Variants in ZFP36L1 observed in about 807,000 individuals in gnomAD.
ZFP36L1 encodes the protein mRNA decay activator protein ZFP36L1.
ZFP36L1 carries 4 observed loss-of-function variants against 16.7 expected under a neutral mutation model. That is an observed-to-expected ratio of 0.24 (90% CI 0.12 to 0.55). The LOEUF (loss-of-function observed/expected upper bound fraction) is 0.55, where lower values mean the gene tolerates loss of function less well. Among genes scored for constraint, ZFP36L1 ranks in the 20% least tolerant of loss-of-function variants. ZFP36L1 has a pLI of 0.94. For missense variants in ZFP36L1, 311 were observed against 449.2 expected (o/e 0.69, Z 2.78); for synonymous variants, 220 against 190.8 (o/e 1.15, Z -1.26).
At chr14:68,791,347 C>G in intron 1 of ZFP36L1, 1 of 486,040 alleles carries the variant, frequency 2.1e-6, no homozygotes, top group Non-Finnish European at 3.6e-6. Flanking sequence ...CCCCCCTACC[C>G]ACCTCCTAGT....
chr14:68,793,422 G>A (rs962987152), upstream of ZFP36L1: 4 of 997,876 alleles, frequency 4.0e-6, no homozygotes, highest in Non-Finnish European at 3.6e-6. Context: ...AGAGCGGGAG[G>A]GGCGCGCCCC....
At chr14:68,790,870 C>A (rs972869137) in intron 1 of ZFP36L1, 10 of 586,986 alleles carry the variant, frequency 1.7e-5, no homozygotes, top group African/African-American at 9.3e-5. Flanking sequence ...GCACCCCGCC[C>A]CCGCCACCGC....
At position 68,789,742 on chromosome 14, in the gene ZFP36L1, C is replaced by G. The variant is rs755839037; in HGVS notation, c.808G>C (p.Gly270Arg). The change falls in exon 2 of 2, where the codon GGG (glycine) becomes CGG (arginine). Residue 270 changes from glycine (G) to arginine (R), a missense_variant. Physicochemically the swap from Gly to Arg is moderately radical, Grantham distance 125. Coordinates refer to ENST00000439696, the MANE Select transcript of ZFP36L1 (RefSeq NM_004926.4). The surrounding 1 kb of genome is among the most constrained non-coding windows in gnomAD (Gnocchi z 4.5). ...AGGAAGGTGGTCGGGGAGCCACCCCCGGGCAGCCCCATGCTAGGGGCAAAG... is the reference window on the plus strand; with the variant it reads ...AGGAAGGTGGTCGGGGAGCCACCCCGGGGCAGCCCCATGCTAGGGGCAAAG... ...SLFAPSMGLP[G>R]GGSPTTFLFR... 3.1e-6 allele frequency: 5 copies of G among 1,614,050 alleles called. No homozygotes were observed. The highest frequency in any genetic ancestry group is 1.3e-5 in the African/African-American group (1 of 75,032).
At chr14:68,792,040 T>C (rs192014829) in intron 1 of ZFP36L1, among the ~76,000 whole-genome samples, 1 of 152,226 alleles carries the variant, frequency 6.6e-6, no homozygotes, top group Non-Finnish European at 1.5e-5. Context: ...TTTTGCTATG[T>C]ACATTTAAAC....
chr14:68,795,898 G>A (rs749815542), upstream of ZFP36L1: 8 of 877,002 alleles, frequency 9.1e-6, no homozygotes, highest in Non-Finnish European at 1.4e-5. Flanking sequence ...CCGAGGGCGG[G>A]AGCCGACCCG....
At chr14:68,793,505 T>A, upstream of ZFP36L1, 1 of 986,300 alleles carries the variant, frequency 1.0e-6, no homozygotes, top group Non-Finnish European at 1.2e-6. Flanking sequence ...GTTGTCATGT[T>A]GTTGTTTTTT....
chr14:68,794,513 CT>C (rs1166571125), upstream of ZFP36L1: 2 of 152,288 alleles, frequency 1.3e-5, no homozygotes, highest in Admixed American at 1.3e-4. Context: ...AGTCGCAGGG[CT>C]GCGCTTCTTT....
upstream of ZFP36L1, chr14:68,794,794 A>G (rs1895204968): frequency 6.6e-6 from 1 of 152,442 alleles, no homozygotes; most frequent in South Asian, 2.1e-4. Context: ...AAACCCAGCG[A>G]AACCTTCCAA....
Position 68,789,760 on chromosome 14 carries a change from G to C in ZFP36L1, c.790C>G (p.Pro264Ala), listed in dbSNP as rs1286354691. 5.0e-6 allele frequency: 8 copies of C among 1,613,974 alleles called. No homozygotes were observed. Residue 264 changes from proline (P) to alanine (A), a missense_variant, in exon 2 of 2, where the codon CCT (proline) becomes GCT (alanine). This residue lies in a region of ZFP36L1 where 147 missense variants were observed against 192.0 expected (regional missense o/e 0.77). Coordinates refer to ENST00000439696, the MANE Select transcript of ZFP36L1 (RefSeq NM_004926.4). This position sits in a 1 kb window ranked among gnomAD's most constrained non-coding sequence, Gnocchi z 4.5. ...SSQELASLFA[P>A]SMGLPGGGSP... ...CCACCCCCGGGCAGCCCCATGCTAGGGGCAAAGAGGCTTGCCAGCTCCTGG... is the reference window on the plus strand; with the variant it reads ...CCACCCCCGGGCAGCCCCATGCTAGCGGCAAAGAGGCTTGCCAGCTCCTGG...
chr14:68,796,101 C>T (rs1316000704), upstream of ZFP36L1: 1 of 1,361,878 alleles, frequency 7.3e-7, no homozygotes, highest in South Asian at 1.1e-5. Flanking sequence ...GACCGGGAGG[C>T]GGTGGGCCGG....
chr14:68,789,675 G>A lies in ZFP36L1; in HGVS notation c.875C>T (p.Pro292Leu). ...CGAGAGAGAATCCTGAGGGCTGGGGGGAGAGTCAAACATGTGAGGGGACTC... is the reference window on the plus strand; with the variant it reads ...CGAGAGAGAATCCTGAGGGCTGGGGAGAGAGTCAAACATGTGAGGGGACTC... ...MSESPHMFDS[P>L]PSPQDSLSDQ... Residue 292 changes from proline (P) to leucine (L), a missense_variant, in exon 2 of 2, where the codon CCC becomes CTC. Coordinates refer to ENST00000439696, the MANE Select transcript of ZFP36L1 (RefSeq NM_004926.4). The surrounding 1 kb of genome is among the most constrained non-coding windows in gnomAD (Gnocchi z 4.5). 5 of 1,614,058 alleles carry A rather than the reference G, an allele frequency of 3.1e-6. No individual in the cohort carries two copies. The highest frequency in any genetic ancestry group is 4.2e-6 in the Non-Finnish European group (5 of 1,179,950).
At chr14:68,795,991 C>T (rs1305437948), upstream of ZFP36L1, 3 of 1,316,354 alleles carry the variant, frequency 2.3e-6, no homozygotes, top group African/African-American at 1.5e-5. Context: ...GCGAGGCGTG[C>T]GTGGCCGTCC....
chr14:68,791,871 G>A (rs560947161), intron 1 of ZFP36L1, among the ~76,000 whole-genome samples: 1 of 152,322 alleles, frequency 6.6e-6, no homozygotes, highest in East Asian at 1.9e-4. Flanking sequence ...GGCGTTGGCA[G>A]CTGCACCAAC....
At chr14:68,795,986 G>T (rs1566562473), upstream of ZFP36L1, 1 of 1,322,252 alleles carries the variant, frequency 7.6e-7, no homozygotes, top group Non-Finnish European at 1.0e-6. Flanking sequence ...CCGAGGCGAG[G>T]CGTGCGTGGC....
intron 1 of ZFP36L1, among the ~76,000 whole-genome samples, chr14:68,792,506 G>C (rs1594718173): frequency 6.6e-6 from 1 of 152,258 alleles, no homozygotes; most frequent in Admixed American, 6.5e-5. Flanking sequence ...GACAGACCTA[G>C]GGCGCAGACT....
rs566254373 is a variant in ZFP36L1 at position 68,789,060 on chromosome 14, C to CG, written c.*472dup. On this transcript the variant is annotated 3_prime_UTR_variant, in exon 2 of 2. Coordinates refer to ENST00000439696, the MANE Select transcript of ZFP36L1 (RefSeq NM_004926.4). The surrounding 1 kb of genome is among the most constrained non-coding windows in gnomAD (Gnocchi z 4.5). ...CGCCAGTGGAGGGGGCTGCTGGTTC[C>CG]GGGTCTCCACCCCGCCATGGGCAGA... 183 of 156,966 alleles carry CG rather than the reference C, an allele frequency of 1.2e-3. 6 individuals are homozygous for CG. The South Asian group carries it at 0.032, about 28-fold the overall frequency. 9.7% of individuals were successfully genotyped at this position (156,966 alleles called of 1,614,324 possible).
chr14:68,790,996 C>T (rs906811764), intron 1 of ZFP36L1: 1 of 700,034 alleles, frequency 1.4e-6, no homozygotes, highest in Non-Finnish European at 2.6e-6. Flanking sequence ...GCCTAAGACT[C>T]TCAACTTCCT....
In ZFP36L1 at chr14:68,788,428, A is replaced by C. The variant is rs1894969976; in HGVS notation, c.*1105T>G. On this transcript the variant is annotated 3_prime_UTR_variant, in exon 2 of 2. Coordinates refer to ENST00000439696, the MANE Select transcript of ZFP36L1 (RefSeq NM_004926.4). ...CAAAATTTTTGCTCTCCAATTTCTG[A>C]AAGTTATATGAAGTTTAAAACCCAG... 1 of 152,718 alleles carries C rather than the reference A, an allele frequency of 6.5e-6. No homozygotes were observed. 9.5% of individuals were successfully genotyped at this position (152,718 alleles called of 1,614,324 possible).
chr14:68,794,607 AACCCG>A (rs1895199306), upstream of ZFP36L1: 1 of 152,274 alleles, frequency 6.6e-6, no homozygotes, highest in Non-Finnish European at 1.5e-5. Context: ...TCTGTTATGA[AACCCG>A]GTGCTGCGGA....
Sources: gnomAD v4.1 joint callset for allele counts (sites outside exome capture counted in the v4.1 genomes callset) on GRCh38, gnomAD v4.1.1 for gene constraint, gnomAD v4.1.1 regional missense constraint, Gnocchi (gnomAD v3.1) non-coding constraint, MANE v1.5 for transcripts, NCBI Gene and HGNC (gene_info 2026-07-23, HGNC 2026-07-21) for gene names.